FHIT: variants seen among roughly 807,000 people sequenced by gnomAD.
FHIT encodes the protein bis(5'-adenosyl)-triphosphatase.
In FHIT, 19 loss-of-function variants were observed where a neutral mutation model predicts 17.9. The observed-to-expected ratio is 1.06, with a 90% confidence interval of 0.74 to 1.56. FHIT has a LOEUF of 1.56. FHIT is among the 40% of genes most tolerant of loss of function. The pLI is 0.00. For synonymous variants in FHIT, 81 were observed against 69.7 expected (o/e 1.16, Z -0.81); for missense variants, 248 against 189.2 (o/e 1.31, Z -1.82).
intron 4 of FHIT, among the ~76,000 whole-genome samples, chr3:60,626,472 T>C (rs1311456143): frequency 6.6e-6 from 1 of 152,216 alleles, no homozygotes; most frequent in African/African-American, 2.4e-5. Context: ...TTTGATGCCC[T>C]CATAAATGGA....
chr3:60,555,445 A>G (rs2036709752), intron 4 of FHIT, among the ~76,000 whole-genome samples: 1 of 152,186 alleles, frequency 6.6e-6, no homozygotes, highest in Non-Finnish European at 1.5e-5. Flanking sequence ...TTCCACCATC[A>G]TGGGTTTTAC....
At chr3:59,952,139 C>A (rs1362515993) in intron 7 of FHIT, among the ~76,000 whole-genome samples, 2 of 152,184 alleles carry the variant, frequency 1.3e-5, no homozygotes, top group Non-Finnish European at 2.9e-5. Context: ...TCACTACCTT[C>A]TACTTTAGCT....
At chr3:59,806,054 G>A (rs971957434) in intron 8 of FHIT, among the ~76,000 whole-genome samples, 3 of 152,074 alleles carry the variant, frequency 2.0e-5, no homozygotes, top group Non-Finnish European at 4.4e-5. Context: ...GGTGGCGGGC[G>A]CCTGTAGTCC....
chr3:60,577,881 ATAAT>A (rs2037622632), intron 4 of FHIT, among the ~76,000 whole-genome samples: 1 of 152,130 alleles, frequency 6.6e-6, no homozygotes, highest in Admixed American at 6.6e-5. Context: ...TTAGCTAACA[ATAAT>A]TAAGTTGCTT....
At chr3:60,673,967 G>A (rs1178392976) in intron 4 of FHIT, among the ~76,000 whole-genome samples, 2 of 151,946 alleles carry the variant, frequency 1.3e-5, no homozygotes, top group East Asian at 3.9e-4. Context: ...GGGAAAATTT[G>A]TTCATTTTTT....
chr3:60,036,334 T>C (rs1045857813), intron 5 of FHIT, among the ~76,000 whole-genome samples: 4 of 152,284 alleles, frequency 2.6e-5, no homozygotes, highest in Non-Finnish European at 5.9e-5. Context: ...ATGGTTAATA[T>C]ACAGAGCATG....
chr3:60,229,654 T>TTAC (rs1407618867), intron 5 of FHIT, among the ~76,000 whole-genome samples: 1 of 152,032 alleles, frequency 6.6e-6, no homozygotes, highest in Non-Finnish European at 1.5e-5. Context: ...AGAAAAAACA[T>TTAC]TATGTAGATG....
At chr3:60,371,122 T>C (rs1700309346) in intron 5 of FHIT, among the ~76,000 whole-genome samples, 1 of 152,212 alleles carries the variant, frequency 6.6e-6, no homozygotes. Context: ...TTCTGACCGC[T>C]GTGTTGTTCC....
chr3:61,001,198 CA>C (rs2031057359), intron 3 of FHIT, among the ~76,000 whole-genome samples: 1 of 152,176 alleles, frequency 6.6e-6, no homozygotes, highest in Admixed American at 6.5e-5. Context: ...ATCACTCAGA[CA>C]TTGCTGATGG....
chr3:60,472,598 T>C (rs2033144759), intron 5 of FHIT, among the ~76,000 whole-genome samples: 1 of 152,144 alleles, frequency 6.6e-6, no homozygotes, highest in South Asian at 2.1e-4. Flanking sequence ...CTCGATCTCC[T>C]GACCTCATGA....
intron 8 of FHIT, among the ~76,000 whole-genome samples, chr3:59,918,556 C>A (rs1338881266): frequency 6.6e-6 from 1 of 152,086 alleles, no homozygotes. Context: ...AATGAATAGG[C>A]AGGGAGATTA....
chr3:60,541,931 T>A (rs746308635), intron 4 of FHIT, among the ~76,000 whole-genome samples: 1 of 152,206 alleles, frequency 6.6e-6, no homozygotes, highest in Admixed American at 6.5e-5. Context: ...CTCTTCTTTT[T>A]CTTTTCACTT....
chr3:59,848,308 A>G (rs935292049), intron 8 of FHIT, among the ~76,000 whole-genome samples: 1 of 152,194 alleles, frequency 6.6e-6, no homozygotes, highest in Non-Finnish European at 1.5e-5. Flanking sequence ...AAATAGCTAC[A>G]ACAGACAGAT....
chr3:60,644,799 G>T (rs2856067), intron 4 of FHIT, among the ~76,000 whole-genome samples: 117,526 of 152,018 alleles, frequency 0.77, 45,690 homozygotes, highest in East Asian at 0.85. Context: ...TCTCAGCTTG[G>T]CCCTGCTTCA....
At chr3:60,457,636 G>T (rs937346044) in intron 5 of FHIT, among the ~76,000 whole-genome samples, 2 of 152,012 alleles carry the variant, frequency 1.3e-5, no homozygotes, top group African/African-American at 4.8e-5. Flanking sequence ...CCATCAGAGT[G>T]AACAGGCAAC....
At chr3:59,904,299 CAA>C (rs776648225) in intron 8 of FHIT, among the ~76,000 whole-genome samples, 7 of 124,010 alleles carry the variant, frequency 5.6e-5, no homozygotes, top group Admixed American at 2.4e-4. Flanking sequence ...CCATAAAATT[CAA>C]AAGAGGAAAC....
At chr3:60,893,570 T>C (rs1231951776) in intron 3 of FHIT, among the ~76,000 whole-genome samples, 3 of 152,218 alleles carry the variant, frequency 2.0e-5, no homozygotes, top group African/African-American at 7.2e-5. Flanking sequence ...TACTCTTTCC[T>C]GATAGTTTCC....
At chr3:59,756,906 T>G (rs73092688) in intron 8 of FHIT, among the ~76,000 whole-genome samples, 1 of 152,188 alleles carries the variant, frequency 6.6e-6, no homozygotes, top group Non-Finnish European at 1.5e-5. Context: ...TTAACATCTT[T>G]GAAATCAAAA....
chr3:59,848,259 C>T (rs1219580570), intron 8 of FHIT, among the ~76,000 whole-genome samples: 2 of 152,096 alleles, frequency 1.3e-5, no homozygotes, highest in Non-Finnish European at 2.9e-5. Context: ...TGCCCCTTTC[C>T]CTGGAATATT....
Sources: allele counts gnomAD v4.1 joint callset (sites outside exome capture counted in the v4.1 genomes callset), GRCh38; gene constraint gnomAD v4.1.1; transcripts MANE v1.5; gene names NCBI Gene and HGNC (gene_info 2026-07-23, HGNC 2026-07-21).